The following VRK2 variants were observed in gnomAD, a reference collection of about 807,000 sequenced individuals.
The protein encoded by VRK2 is serine/threonine-protein kinase VRK2.
A neutral mutation model predicts 57.6 loss-of-function variants in VRK2; 60 were observed. That is an observed-to-expected ratio of 1.04 (90% CI 0.85 to 1.29). The LOEUF (loss-of-function observed/expected upper bound fraction) is 1.29, where lower values mean the gene tolerates loss of function less well. Ranked by LOEUF, VRK2 falls within the 50% of genes most tolerant of loss-of-function variation. The pLI is 0.00. For missense variants in VRK2, 705 were observed against 588.1 expected (o/e 1.20, Z -2.06); for synonymous variants, 231 against 199.2 (o/e 1.16, Z -1.35).
rs114602235 is a variant in VRK2, at chr2:58,131,558, C to T, written c.677-250C>T. On this transcript the variant is annotated intron_variant, in intron 8 of 12. Coordinates refer to ENST00000340157, the MANE Select transcript of VRK2 (RefSeq NM_006296.7). ...TGGGGATCAAGTTCATGTGACAGGC[C>T]AGACTAAGGAAAGATGAAGTTGGAG... Among the ~76,000 whole-genome samples, 786 of 152,156 alleles carry T rather than the reference C, an allele frequency of 5.2e-3. 11 individuals are homozygous for T. The highest frequency in any genetic ancestry group is 0.018 in the African/African-American group (751 of 41,504).
rs141338880 is a variant in VRK2 at position 58,082,683 on chromosome 2, A to G, written c.137-1406A>G. ...CCACTCTTCCTGCAGTTTCCTTGGG[A>G]CTATTGCATGGGTAAAAATGAAATA... On this transcript the variant is annotated intron_variant, in intron 2 of 12. Coordinates refer to ENST00000340157, the MANE Select transcript of VRK2 (RefSeq NM_006296.7). Among the ~76,000 whole-genome samples, 570 of 152,014 alleles carry G rather than the reference A, an allele frequency of 3.7e-3. 4 individuals carry two copies. The highest frequency in any genetic ancestry group is 0.011 in the Admixed American group (167 of 15,218).
chr2:58,093,242 G>A (rs1374648695), intron 7 of VRK2, among the ~76,000 whole-genome samples: 7 of 152,136 alleles, frequency 4.6e-5, no homozygotes, highest in Admixed American at 6.5e-5. Context: ...TCGCCACACC[G>A]ACTTCCACAA....
intron 1 of VRK2, among the ~76,000 whole-genome samples, chr2:57,931,130 T>C (rs1328028284): frequency 6.6e-6 from 1 of 152,096 alleles, no homozygotes; most frequent in African/African-American, 2.4e-5. Context: ...CTTTTCAGGA[T>C]AGTGATTTTT....
intron 1 of VRK2, among the ~76,000 whole-genome samples, chr2:58,021,399 C>G (rs1385090068): frequency 6.6e-6 from 1 of 152,016 alleles, no homozygotes; most frequent in Non-Finnish European, 1.5e-5. Context: ...GTAATACAGA[C>G]CTTTATCATA....
intron 2 of VRK2, among the ~76,000 whole-genome samples, chr2:58,053,232 C>T (rs1676021765): frequency 6.6e-6 from 1 of 152,176 alleles, no homozygotes; most frequent in African/African-American, 2.4e-5. Flanking sequence ...TGTGCATGTG[C>T]TTTATTGACA....
rs935173321 is a variant in VRK2, at chr2:58,159,385, C to G, written c.1219C>G (p.Gln407Glu). ...GAGAAGACAGAAATATCAAGAGTCT[C>G]AAGAACCTTTGAATGAAGTAAACAG... ...TRRRQKYQES[Q>E]EPLNEVNSFP... Residue 407 changes from glutamine (Q) to glutamate (E), a missense_variant, in exon 13 of 13, where the codon CAA becomes GAA. Coordinates refer to ENST00000340157, the MANE Select transcript of VRK2 (RefSeq NM_006296.7). 9.9e-6 allele frequency: 16 copies of G among 1,612,494 alleles called. No homozygotes were observed. Among genetic ancestry groups the G allele is most frequent in the Non-Finnish European group, 1.3e-5 (15 of 1,179,362 alleles).
intron 7 of VRK2, among the ~76,000 whole-genome samples, chr2:58,115,017 G>T (rs908365694): frequency 3.9e-5 from 6 of 152,150 alleles, no homozygotes; most frequent in African/African-American, 1.4e-4. Flanking sequence ...AGGAGTAGTA[G>T]AATAGCAGAT....
intron 1 of VRK2, among the ~76,000 whole-genome samples, chr2:57,958,033 C>T (rs544159696): frequency 6.6e-6 from 1 of 152,232 alleles, no homozygotes; most frequent in South Asian, 2.1e-4. Flanking sequence ...AGACAAACAT[C>T]AGGCCTTCTC....
rs764540815 is a variant in VRK2 at position 58,098,837 on chromosome 2, CTTT to C, written c.543+9117_543+9119del. ...GACAATAAAAATCCATTTTAACTAA[CTTT>C]TTGGTCATTTATTGTGTTAGGCATT... On this transcript the variant is annotated intron_variant, in intron 7 of 12. Coordinates refer to ENST00000340157, the MANE Select transcript of VRK2 (RefSeq NM_006296.7). Among the ~76,000 whole-genome samples, 10 of 152,102 alleles carry C rather than the reference CTTT, an allele frequency of 6.6e-5. No homozygotes were observed. The East Asian group carries it at 1.5e-3, about 23-fold the overall frequency.
intron 1 of VRK2, among the ~76,000 whole-genome samples, chr2:57,936,535 T>G (rs959326664): frequency 1.5e-4 from 22 of 151,290 alleles, no homozygotes; most frequent in African/African-American, 5.1e-4. Flanking sequence ...TTTTTTGTTT[T>G]TTTTTTTTTG....
intron 11 of VRK2, among the ~76,000 whole-genome samples, chr2:58,140,043 T>G (rs1681092645): frequency 6.6e-6 from 1 of 152,092 alleles, no homozygotes; most frequent in African/African-American, 2.4e-5. Context: ...GCCTACTATG[T>G]ACTATGAAAG....
chr2:57,935,584 G>C (rs1014156616), intron 1 of VRK2, among the ~76,000 whole-genome samples: 2 of 152,098 alleles, frequency 1.3e-5, no homozygotes, highest in Non-Finnish European at 2.9e-5. Flanking sequence ...TGGGTCCGGA[G>C]GTAAAATTCA....
intron 1 of VRK2, among the ~76,000 whole-genome samples, chr2:57,994,543 G>T (rs1672867416): frequency 1.3e-5 from 2 of 152,090 alleles, no homozygotes; most frequent in African/African-American, 4.8e-5. Flanking sequence ...TACTCTGAAA[G>T]ATCGAGAAAC....
At chr2:58,057,113 G>A (rs79594862) in intron 2 of VRK2, among the ~76,000 whole-genome samples, 1,786 of 152,176 alleles carry the variant, frequency 0.012, 38 homozygotes, top group African/African-American at 0.04. Context: ...ATTATAAACT[G>A]CTTTCAGGCA....
chr2:58,089,849 C>G, intron 7 of VRK2, 126 bp downstream of exon 7: 1 of 629,648 alleles, frequency 1.6e-6, no homozygotes, highest in South Asian at 2.1e-5. Flanking sequence ...TGTAATTTAT[C>G]TTACCTGCTT....
rs77803890 is a variant in VRK2, at chr2:58,130,386, G to A, written c.677-1422G>A. 5.4e-3 allele frequency among the ~76,000 whole-genome samples: 821 copies of A among 152,252 alleles called. 11 individuals are homozygous for A. Among genetic ancestry groups the A allele is most frequent in the African/African-American group, 0.019 (769 of 41,518 alleles). ...GAAATCACTACAGAACACTGTGGTA[G>A]AGATTGTGTTTTTATTTTAATATGA... is the stretch of plus-strand genomic sequence containing the variant. On this transcript the variant is annotated intron_variant, in intron 8 of 12. Transcript: ENST00000340157.
chr2:58,053,565 G>A (rs1450582355), intron 2 of VRK2, among the ~76,000 whole-genome samples: 1 of 152,060 alleles, frequency 6.6e-6, no homozygotes, highest in Non-Finnish European at 1.5e-5. Context: ...CACATACATA[G>A]AATGTTTTTA....
chr2:58,017,491 G>A (rs544153320), intron 1 of VRK2, among the ~76,000 whole-genome samples: 11 of 152,092 alleles, frequency 7.2e-5, no homozygotes, highest in Non-Finnish European at 1.2e-4. Context: ...GATTTTGTAG[G>A]GGCAATTTTC....
At chr2:57,951,223 G>A (rs191844747) in intron 1 of VRK2, among the ~76,000 whole-genome samples, 1 of 152,318 alleles carries the variant, frequency 6.6e-6, no homozygotes, top group Non-Finnish European at 1.5e-5. Context: ...TAAGACTTCA[G>A]TGGAGGAAGT....
Sources: allele counts gnomAD v4.1 joint callset (sites outside exome capture counted in the v4.1 genomes callset), GRCh38; gene constraint gnomAD v4.1.1; transcripts MANE v1.5; gene names NCBI Gene and HGNC (gene_info 2026-07-23, HGNC 2026-07-21).